OGDH: variants seen among roughly 807,000 people sequenced by gnomAD.
The protein encoded by OGDH is 2-oxoglutarate dehydrogenase complex component E1.
A neutral mutation model predicts 116.6 loss-of-function variants in OGDH; 38 were observed. That is an observed-to-expected ratio of 0.33 (90% CI 0.25 to 0.43). OGDH has a LOEUF of 0.43. Among genes scored for constraint, OGDH ranks in the 20% least tolerant of loss-of-function variants. The pLI, the probability that OGDH is intolerant of heterozygous loss-of-function variation, is 1.00. For missense variants in OGDH, 825 were observed against 1,357.2 expected, an observed-to-expected ratio of 0.61 and a Z score of 6.16; for synonymous variants, 488 against 533.3, an observed-to-expected ratio of 0.92 and a Z score of 1.17.
intron 2 of OGDH, among the ~76,000 whole-genome samples, chr7:44,634,552 A>G (rs1394816144): frequency 2.6e-5 from 4 of 152,232 alleles, no homozygotes; most frequent in African/African-American, 9.7e-5. Context: ...TACAGACAGA[A>G]GATAATAGAG....
chr7:44,606,974 G>T (rs968540315), intron 1 of OGDH, among the ~76,000 whole-genome samples: 1 of 152,282 alleles, frequency 6.6e-6, no homozygotes, highest in African/African-American at 2.4e-5. Context: ...GGCGGGCGCG[G>T]CGGCGGATGT....
intron 14 of OGDH, 132 bp from the exon 15 acceptor site, chr7:44,696,782 C>T: frequency 7.8e-7 from 1 of 1,288,276 alleles, no homozygotes; most frequent in Middle Eastern, 2.5e-4. Flanking sequence ...GAGGTCACAG[C>T]TTTTCCAGCA....
At chr7:44,686,536 G>C (rs573876308) in intron 10 of OGDH, among the ~76,000 whole-genome samples, 193 of 152,174 alleles carry the variant, frequency 1.3e-3, no homozygotes, top group African/African-American at 4.2e-3. Flanking sequence ...TGCTGGCCTC[G>C]TGAAATGTTA....
At chr7:44,641,441 G>T (rs557747418) in intron 2 of OGDH, among the ~76,000 whole-genome samples, 2 of 151,272 alleles carry the variant, frequency 1.3e-5, no homozygotes, top group African/African-American at 2.4e-5. Flanking sequence ...GGCCAGGCTG[G>T]TCTCGAACTC....
chr7:44,686,187 A>G (rs1419039737), intron 10 of OGDH, among the ~76,000 whole-genome samples: 1 of 152,148 alleles, frequency 6.6e-6, no homozygotes, highest in Non-Finnish European at 1.5e-5. Flanking sequence ...ACCTCAGCAC[A>G]GTGTCAAAGT....
At chr7:44,656,371 A>G in intron 4 of OGDH, 1 of 1,535,830 alleles carries the variant, frequency 6.5e-7, no homozygotes, top group Non-Finnish European at 8.7e-7. Context: ...AGGTATGAAA[A>G]TAATGAGCTT....
intron 5 of OGDH, among the ~76,000 whole-genome samples, chr7:44,670,123 G>A (rs1010322448): frequency 8.6e-5 from 13 of 151,916 alleles, no homozygotes; most frequent in Admixed American, 2.6e-4. Context: ...CTAGTGGCCC[G>A]GTAACTACAT....
intron 2 of OGDH, among the ~76,000 whole-genome samples, chr7:44,643,831 T>C (rs1169704586): frequency 6.6e-6 from 1 of 152,252 alleles, no homozygotes; most frequent in Non-Finnish European, 1.5e-5. Flanking sequence ...AAGACAGTCT[T>C]ATCAGAGTTT....
At chr7:44,649,521 A>G (rs140903856) in intron 4 of OGDH, among the ~76,000 whole-genome samples, 263 of 152,070 alleles carry the variant, frequency 1.7e-3, no homozygotes, top group African/African-American at 5.9e-3. Flanking sequence ...TGGAATGCTC[A>G]TTTTTTACAA....
In OGDH at chr7:44,707,462, T is replaced by C. The variant is rs1355776040; in HGVS notation, c.2796+74T>C. ...CTCTGGTGCCTTCACAGAACAGCCT[T>C]GCTTGGGGTGTGGCCCTCAGGTTCC... On this transcript the variant is annotated intron_variant, in intron 21 of 22. Coordinates refer to ENST00000222673, the MANE Select transcript of OGDH (RefSeq NM_002541.4). This position sits in a 1 kb window ranked among gnomAD's most constrained non-coding sequence, Gnocchi z 5.2. 3.1e-6 allele frequency: 5 copies of C among 1,597,816 alleles called. No homozygotes were observed. In the African/African-American group the frequency reaches 6.7e-5, roughly 21 times the overall value.
intron 3 of OGDH, 135 bp from the exon 4 acceptor site, chr7:44,647,522 T>A (rs1562638052): frequency 1.1e-5 from 17 of 1,544,112 alleles, no homozygotes; most frequent in Non-Finnish European, 1.4e-5. Flanking sequence ...AGTAACTGTT[T>A]CTTCAAACGT....
chr7:44,607,717 T>G (rs755552173), intron 1 of OGDH, among the ~76,000 whole-genome samples: 19 of 152,214 alleles, frequency 1.2e-4, no homozygotes, highest in Non-Finnish European at 2.5e-4. Context: ...TGTTGTTGTC[T>G]TGTTTGAGAT....
At chr7:44,655,124 A>G (rs573287178) in intron 4 of OGDH, among the ~76,000 whole-genome samples, 147 of 152,334 alleles carry the variant, frequency 9.6e-4, no homozygotes, top group African/African-American at 3.2e-3. Context: ...ATTTTTAAAA[A>G]TGGGTATGAG....
chr7:44,672,637 G>GTT lies in OGDH; in HGVS notation c.634-1145_634-1144dup, dbSNP rs1175741464. Among the ~76,000 whole-genome samples, 169 of 135,796 alleles carry GTT rather than the reference G, an allele frequency of 1.2e-3. 6 individuals are homozygous for GTT. Among genetic ancestry groups the GTT allele is most frequent in the African/African-American group, 4.1e-3 (136 of 33,146 alleles). The allele number at this position is 135,796 out of a possible 152,430, so 89.1% of individuals were successfully genotyped here. On this transcript the variant is annotated intron_variant, in intron 5 of 22. Transcript: ENST00000222673. The stretch of plus-strand genomic sequence containing the variant: ...GGCAGCCCGAGAGGGATTTCTTTTT[G>GTT]TTTTTTGTTTTTTTTTTTTTTTTGA...
At chr7:44,642,935 A>ATT (rs376634003) in intron 2 of OGDH, among the ~76,000 whole-genome samples, 4 of 151,084 alleles carry the variant, frequency 2.6e-5, no homozygotes, top group African/African-American at 7.3e-5. Context: ...AAAAAAAAAA[A>ATT]TTTTTAAATA....
At chr7:44,688,594 C>A (rs1313769536) in intron 10 of OGDH, among the ~76,000 whole-genome samples, 1 of 151,576 alleles carries the variant, frequency 6.6e-6, no homozygotes, top group African/African-American at 2.4e-5. Context: ...CCATGCCCAG[C>A]TAATTTTTTG....
rs1788487648 is a variant in OGDH at position 44,694,271 on chromosome 7, A to G, written c.1516-153A>G. ...TCTACTGTGTGAAGGAGAGATACAC[A>G]GAATCCTAATTCTAGAGAAGGTAAA... On this transcript the variant is annotated intron_variant, in intron 11 of 22. Coordinates refer to ENST00000222673, the MANE Select transcript of OGDH (RefSeq NM_002541.4). The surrounding 1 kb of genome is among the most constrained non-coding windows in gnomAD (Gnocchi z 4.2). Among the ~76,000 whole-genome samples, 1 of 152,132 alleles carries G rather than the reference A, an allele frequency of 6.6e-6. No individual in the cohort carries two copies. Among genetic ancestry groups the G allele is most frequent in the South Asian group, 2.1e-4 (1 of 4,830 alleles).
chr7:44,634,712 T>A (rs899105418), intron 2 of OGDH, among the ~76,000 whole-genome samples: 21 of 152,184 alleles, frequency 1.4e-4, no homozygotes, highest in African/African-American at 5.1e-4. Flanking sequence ...CAGGCCTGGA[T>A]CACAGTGCCC....
intron 9 of OGDH, among the ~76,000 whole-genome samples, chr7:44,679,299 A>G (rs1312897256): frequency 2.0e-5 from 3 of 152,170 alleles, no homozygotes; most frequent in Non-Finnish European, 4.4e-5. Flanking sequence ...CTCAAAACCA[A>G]TGGCTTTTAC....
Sources: gnomAD v4.1 joint callset for allele counts (sites outside exome capture counted in the v4.1 genomes callset) on GRCh38, gnomAD v4.1.1 for gene constraint, Gnocchi (gnomAD v3.1) non-coding constraint, MANE v1.5 for transcripts, NCBI Gene and HGNC (gene_info 2026-07-23, HGNC 2026-07-21) for gene names.